Variants in NAA16 observed in about 807,000 individuals in gnomAD.
NAA16 encodes NARG1-like protein.
Under a neutral mutation model 110.3 loss-of-function variants are expected in NAA16, and 97 were observed. The ratio of observed to expected loss-of-function variants is 0.88; its 90% confidence interval spans 0.75 to 1.04. The LOEUF is 1.04. NAA16 is among the 50% of genes least tolerant of loss of function. The pLI is 0.00. For synonymous variants in NAA16, 372 were observed against 330.6 expected (o/e 1.13, Z -1.36); for missense variants, 1,017 against 1,005.1 (o/e 1.01, Z -0.16).
intron 9 of NAA16, among the ~76,000 whole-genome samples, chr13:41,339,129 GTTGT>G (rs71200173): frequency 1.2e-4 from 18 of 151,708 alleles, no homozygotes; most frequent in Middle Eastern, 3.4e-3. Flanking sequence ...TTTTGTTGTT[GTTGT>G]TTGTTTGTTT....
Position 41,325,682 on chromosome 13 carries a change from G to A in NAA16, c.538-16G>A. The A allele has an allele frequency of 2.0e-6, 3 of 1,508,664 alleles. No homozygotes were observed. The South Asian group carries it at 3.7e-5, about 18-fold the overall frequency. 93.5% of individuals were successfully genotyped at this position (1,508,664 alleles called of 1,614,324 possible). A position where few individuals can be genotyped will look rare whatever the true frequency, so the allele number is the denominator to read the frequency against. ...TATAATTATACAAATAAAGTAATTT[G>A]GTCATTTTTTTTCAGGTTCCTCCAA... On this transcript the variant is annotated splice_polypyrimidine_tract_variant and intron_variant, in intron 5 of 19. Coordinates refer to ENST00000379406, the MANE Select transcript of NAA16 (RefSeq NM_024561.5).
At chr13:41,353,072 C>T (rs1202672930) in intron 9 of NAA16, among the ~76,000 whole-genome samples, 4 of 151,764 alleles carry the variant, frequency 2.6e-5, no homozygotes, top group African/African-American at 7.3e-5. Flanking sequence ...GCAGAGATCG[C>T]GCCACTGCAT....
intron 9 of NAA16, among the ~76,000 whole-genome samples, chr13:41,346,077 C>T (rs149388490): frequency 1.3e-5 from 2 of 152,252 alleles, no homozygotes; most frequent in African/African-American, 4.8e-5. Flanking sequence ...AAAACCATTT[C>T]CAAGTCCAAC....
At chr13:41,363,338 G>A (rs1260981484) in intron 13 of NAA16, among the ~76,000 whole-genome samples, 1 of 152,154 alleles carries the variant, frequency 6.6e-6, no homozygotes, top group Admixed American at 6.5e-5. Context: ...TTTCCCTTAT[G>A]AAGAGGCTGC....
intron 15 of NAA16, among the ~76,000 whole-genome samples, chr13:41,370,340 A>G (rs934215234): frequency 3.3e-5 from 5 of 152,170 alleles, no homozygotes; most frequent in Non-Finnish European, 7.3e-5. Context: ...TTTAATGTAG[A>G]AAAAAAGTGC....
Position 41,311,556 on chromosome 13 carries a change from G to A in NAA16, c.28G>A (p.Glu10Lys). 3.1e-6 allele frequency: 5 copies of A among 1,608,754 alleles called. No homozygotes were observed. Among genetic ancestry groups the A allele is most frequent in the Non-Finnish European group, 4.2e-6 (5 of 1,177,950 alleles). The change falls in exon 1 of 20, where the codon GAG (glutamate) becomes AAG (lysine). Residue 10 changes from glutamate to lysine, a missense_variant. Glu to Lys is a moderately conservative substitution (Grantham distance 56, BLOSUM62 1). Transcript: ENST00000379406. ...GCCGAACGTGCTGCTGCCGCCCAAG[G>A]AGAGCAACCTCTTCAAACGCATCTT... MPNVLLPPK[E>K]SNLFKRILKC...
At chr13:41,361,432 G>C (rs1015249082) in intron 12 of NAA16, among the ~76,000 whole-genome samples, 9 of 152,214 alleles carry the variant, frequency 5.9e-5, no homozygotes, top group Admixed American at 2.6e-4. Flanking sequence ...CAGCAAGGAA[G>C]GCTGAAATAG....
chr13:41,364,762 T>G (rs962660830), intron 13 of NAA16, among the ~76,000 whole-genome samples: 5 of 152,200 alleles, frequency 3.3e-5, no homozygotes, highest in African/African-American at 4.8e-5. Flanking sequence ...ATCTTAATCT[T>G]TATCAAATTG....
chr13:41,340,837 C>G (rs9566744), intron 9 of NAA16, among the ~76,000 whole-genome samples: 1 of 151,512 alleles, frequency 6.6e-6, no homozygotes. Flanking sequence ...CCACCGTGCC[C>G]GGCTAATTTT....
intron 12 of NAA16, 78 bp from the exon 13 acceptor site, chr13:41,361,953 C>T: frequency 6.7e-7 from 1 of 1,499,510 alleles, no homozygotes; most frequent in Non-Finnish European, 9.1e-7. Context: ...GTACTGTAGC[C>T]CTAGTTGTAA....
In NAA16 at chr13:41,311,421, C is replaced by T; in HGVS notation, c.-108C>T. On this transcript the variant is annotated 5_prime_UTR_variant, in exon 1 of 20. Coordinates refer to ENST00000379406, the MANE Select transcript of NAA16 (RefSeq NM_024561.5). The stretch of plus-strand genomic sequence containing the variant: ...GTAGACCAATGAACTAATCCATCGC[C>T]CGCAGCCCGACTCTCAGCAGCGGTT... 9.2e-7 allele frequency: 1 copy of T among 1,088,794 alleles called. No individual in the cohort carries two copies. Among genetic ancestry groups the T allele is most frequent in the Non-Finnish European group, 1.3e-6 (1 of 741,796 alleles). The allele number at this position is 1,088,794 out of a possible 1,614,324, so 67.4% of individuals were successfully genotyped here.
chr13:41,366,494 A>G (rs950725722), intron 13 of NAA16, among the ~76,000 whole-genome samples: 1 of 152,324 alleles, frequency 6.6e-6, no homozygotes, highest in Middle Eastern at 3.4e-3. Context: ...ATGGAAATGC[A>G]TGCAGGGGAA....
At chr13:41,344,785 A>G (rs1000774902) in intron 9 of NAA16, among the ~76,000 whole-genome samples, 3 of 152,214 alleles carry the variant, frequency 2.0e-5, no homozygotes, top group Non-Finnish European at 4.4e-5. Context: ...TTAAAAGTAT[A>G]CAGTTCAATG....
intron 15 of NAA16, 94 bp from the exon 16 acceptor site, chr13:41,372,109 A>G (rs2043331871): frequency 2.9e-6 from 3 of 1,029,050 alleles, no homozygotes; most frequent in South Asian, 6.5e-5. Flanking sequence ...AAAGCTGTCT[A>G]AATTACTTTA....
chr13:41,318,852 A>AT lies in NAA16; in HGVS notation c.186_187insT (p.Glu63Ter), dbSNP rs1566241196. 1.2e-6 allele frequency: 2 copies of AT among 1,604,578 alleles called. No individual in the cohort carries two copies. The highest frequency in any genetic ancestry group is 1.7e-6 in the Non-Finnish European group (2 of 1,175,866). On this transcript the variant is annotated frameshift_variant, in exon 3 of 20. Transcript: ENST00000379406. LOFTEE classifies it high-confidence loss of function. Reference sequence around the variant, plus strand: ...TAACACTGAACTGTTTAGGAAAAAAAGAAGAAGCTTATGAGTTTGTTCGTA... The same window carrying AT: ...TAACACTGAACTGTTTAGGAAAAAAATGAAGAAGCTTATGAGTTTGTTCGTA...
chr13:41,324,728 G>A (rs1386594058), intron 5 of NAA16, among the ~76,000 whole-genome samples: 1 of 150,816 alleles, frequency 6.6e-6, no homozygotes, highest in African/African-American at 2.4e-5. Context: ...ATCTGACTGT[G>A]TTGCCCAGGC....
chr13:41,321,308 CAAAA>C (rs749803735), intron 4 of NAA16, among the ~76,000 whole-genome samples: 38 of 151,460 alleles, frequency 2.5e-4, no homozygotes, highest in Non-Finnish European at 4.7e-4. Flanking sequence ...AAAAACAAAA[CAAAA>C]AAAACTGGTT....
At chr13:41,317,370 A>G (rs766137090) in intron 2 of NAA16, among the ~76,000 whole-genome samples, 2 of 152,100 alleles carry the variant, frequency 1.3e-5, no homozygotes, top group Non-Finnish European at 2.9e-5. Flanking sequence ...ACGTTTACAT[A>G]TGATATTACT....
At chr13:41,373,896 G>A in intron 18 of NAA16, 116 bp downstream of exon 18, 1 of 1,382,376 alleles carries the variant, frequency 7.2e-7, no homozygotes, top group Non-Finnish European at 9.4e-7. Flanking sequence ...TATGGGGAGA[G>A]AAATGTGGAC....
Sources: allele counts gnomAD v4.1 joint callset (sites outside exome capture counted in the v4.1 genomes callset), GRCh38; gene constraint gnomAD v4.1.1; transcripts MANE v1.5; gene names NCBI Gene and HGNC (gene_info 2026-07-23, HGNC 2026-07-21).